The following KDM7A variants were observed in gnomAD, a reference collection of about 807,000 sequenced individuals.
KDM7A encodes lysine-specific demethylase 7A.
In KDM7A, 28 loss-of-function variants were observed where a neutral mutation model predicts 114.8. The ratio of observed to expected loss-of-function variants is 0.24; its 90% CI spans 0.18 to 0.33. KDM7A has a LOEUF of 0.33. Ranked by LOEUF, KDM7A falls within the 10% of genes least tolerant of loss-of-function variation. The pLI, the probability that KDM7A is intolerant of heterozygous loss-of-function variation, is 1.00. For missense variants in KDM7A, 942 were observed against 1,142.5 expected, an observed-to-expected ratio of 0.82 and a Z score of 2.53; for synonymous variants, 423 against 397.8, an observed-to-expected ratio of 1.06 and a Z score of -0.75.
chr7:140,126,822 T>C lies in KDM7A; in HGVS notation c.703A>G (p.Met235Val). 1 of 1,609,440 alleles carries C rather than the reference T, an allele frequency of 6.2e-7. No individual in the cohort carries two copies. Among genetic ancestry groups the C allele is most frequent in the Non-Finnish European group, 8.5e-7 (1 of 1,177,892 alleles). The change falls in exon 6 of 20, where the codon ATG becomes GTG. Residue 235 changes from methionine to valine, a missense_variant and splice_region_variant. This residue lies in a region of KDM7A where 318 missense variants were observed against 453.1 expected (regional missense o/e 0.70). Transcript: ENST00000397560. ...TCAGGGACCTCCACCAATTCAGACA[T>C]CCTTTCAAAAAACAAACATACACAC... ...VISLEFSDTK[M>V]SELVEVPDIA... is the part of the protein sequence containing the mutation.
chr7:140,085,644 G>C lies in KDM7A; in HGVS notation c.*5450C>G, dbSNP rs978789353. On this transcript the variant is annotated 3_prime_UTR_variant, in exon 20 of 20. Coordinates refer to ENST00000397560, the MANE Select transcript of KDM7A (RefSeq NM_030647.2). ...TGACTTGCTTTTGCAGTCAGAAGCT[G>C]TTTTTGGAAAAATTGAGGTTATAGC... 3.3e-5 allele frequency: 5 copies of C among 152,176 alleles called. No individual in the cohort carries two copies. Among genetic ancestry groups the C allele is most frequent in the Admixed American group, 2.6e-4 (4 of 15,280 alleles). The allele number at this position is 152,176 out of a possible 1,614,324, so 9.4% of individuals were successfully genotyped here.
intron 1 of KDM7A, among the ~76,000 whole-genome samples, chr7:140,172,074 G>A (rs1794651156): frequency 6.6e-6 from 1 of 152,088 alleles, no homozygotes; most frequent in Admixed American, 6.6e-5. Context: ...CTTAGATTGG[G>A]AGGATGCAGG....
intron 2 of KDM7A, among the ~76,000 whole-genome samples, chr7:140,135,205 CT>C (rs11336171): frequency 0.3 from 39,975 of 131,434 alleles, 4,757 homozygotes; most frequent in Middle Eastern, 0.41. Flanking sequence ...TACATAACTC[CT>C]TTTTTTTTTT....
chr7:140,107,745 G>T (rs1162335027), intron 11 of KDM7A, among the ~76,000 whole-genome samples: 1 of 152,070 alleles, frequency 6.6e-6, no homozygotes, highest in Non-Finnish European at 1.5e-5. Context: ...TGACAATTAC[G>T]TGTCTTGGAG....
chr7:140,171,571 A>T (rs1018367012), intron 1 of KDM7A, among the ~76,000 whole-genome samples: 3 of 51,808 alleles, frequency 5.8e-5, no homozygotes, highest in South Asian at 4.6e-4. Flanking sequence ...TTATATATTT[A>T]TATATATATA....
intron 1 of KDM7A, among the ~76,000 whole-genome samples, chr7:140,175,067 G>A (rs1432465611): frequency 6.6e-6 from 1 of 152,190 alleles, no homozygotes; most frequent in Non-Finnish European, 1.5e-5. Flanking sequence ...CGTAGAATAT[G>A]TTATGGAAAC....
At position 140,113,542 on chromosome 7, in the gene KDM7A, T is replaced by C; in HGVS notation, c.1287A>G (p.Val429=). 1 of 1,608,082 alleles carries C rather than the reference T, an allele frequency of 6.2e-7. No individual in the cohort carries two copies. The highest frequency in any genetic ancestry group is 1.7e-4 in the Middle Eastern group (1 of 6,056). Residue 429 remains valine (V), a synonymous_variant, in exon 10 of 20, where the codon GTA becomes GTG. Transcript: ENST00000397560. ...CAGTATGCAGTGCTTTCACTCCCTG[T>C]ACTAGGTAAGTTTGAGGCTGGAAAC... The part of the protein sequence containing the change: ...EDGFQPQTYL[V]QGVKALHTAL...
At chr7:140,107,980 C>A (rs1818367713) in intron 11 of KDM7A, among the ~76,000 whole-genome samples, 1 of 152,240 alleles carries the variant, frequency 6.6e-6, no homozygotes, top group African/African-American at 2.4e-5. Flanking sequence ...TCTTTTTACT[C>A]TTTTTTCTCT....
Position 140,102,067 on chromosome 7 carries a change from G to A in KDM7A, c.1522C>T (p.Arg508Ter). 2 of 1,613,614 alleles carry A rather than the reference G, an allele frequency of 1.2e-6. No individual in the cohort carries two copies. Among genetic ancestry groups the A allele is most frequent in the Non-Finnish European group, 1.7e-6 (2 of 1,179,570 alleles). The change falls in exon 12 of 20, where the codon CGA (arginine) becomes TGA (stop). Residue 508 changes from arginine to a stop codon, truncating the protein, a stop_gained. Transcript: ENST00000397560. LOFTEE classifies it high-confidence loss of function. ...SNEATSPYHSRRKMRKLRDHN... is the reference protein window; with the variant it reads ...SNEATSPYHS ...TCTCGAAGTTTCCTCATCTTTCTTC[G>A]GGAATGGTATGGGGAAGTTGCTTCA...
In KDM7A at chr7:140,171,830, C is replaced by A. The variant is rs192220390; in HGVS notation, c.194+4914G>T. Among the ~76,000 whole-genome samples, 29 of 151,896 alleles carry A rather than the reference C, an allele frequency of 1.9e-4. No individual in the cohort carries two copies. The East Asian group carries it at 5.4e-3, about 28-fold the overall frequency. On this transcript the variant is annotated intron_variant, in intron 1 of 19. Transcript: ENST00000397560. ...TGTTCAACTTTATTATGTGTGAGATCCATTCATGTTGTGTGCATCCATAGT... is the reference window on the plus strand; with the variant it reads ...TGTTCAACTTTATTATGTGTGAGATACATTCATGTTGTGTGCATCCATAGT...
rs533974865 is a variant in KDM7A, at chr7:140,169,457, C to T, written c.194+7287G>A. Among the ~76,000 whole-genome samples the T allele has an allele frequency of 6.6e-5, 10 of 152,264 alleles. No homozygotes were observed. The South Asian group carries it at 1.0e-3, about 16-fold the overall frequency. The stretch of plus-strand genomic sequence containing the variant: ...CCTCCCCTTGGATGATCAGAAAACT[C>T]GATTTCATACCGAAAAATACAGAAC... On this transcript the variant is annotated intron_variant, in intron 1 of 19. Transcript: ENST00000397560.
chr7:140,138,796 A>T (rs1477721648), intron 2 of KDM7A, among the ~76,000 whole-genome samples: 1 of 152,240 alleles, frequency 6.6e-6, no homozygotes, highest in African/African-American at 2.4e-5. Context: ...AAACAAGTGA[A>T]ATCAGTTTCC....
chr7:140,099,909 T>C lies in KDM7A; in HGVS notation c.1753A>G (p.Arg585Gly). 6.2e-7 allele frequency: 1 copy of C among 1,609,898 alleles called. No individual in the cohort carries two copies. Among genetic ancestry groups the C allele is most frequent in the Non-Finnish European group, 8.5e-7 (1 of 1,176,070 alleles). Residue 585 changes from arginine to glycine, a missense_variant, in exon 13 of 20, where the codon AGA (arginine) becomes GGA (glycine). Around this residue, in one of 4 missense-constraint regions of KDM7A, gnomAD observed 512 missense variants for 576.6 expected, o/e 0.89. Coordinates refer to ENST00000397560, the MANE Select transcript of KDM7A (RefSeq NM_030647.2). ...ATTTACTTTACATACTTAATTATTC[T>C]TCCATTTGTCAGCAGTAATCGTAGA... ...NDLRLLLTNGRIIKDERQPFA... is the reference protein window; with the variant it reads ...NDLRLLLTNGGIIKDERQPFA...
chr7:140,167,016 C>A (rs1348491581), intron 1 of KDM7A, among the ~76,000 whole-genome samples: 2 of 151,756 alleles, frequency 1.3e-5, no homozygotes, highest in Non-Finnish European at 2.9e-5. Flanking sequence ...ATAATACTAA[C>A]AAAGAAAATT....
chr7:140,171,164 A>G (rs1235804499), intron 1 of KDM7A, among the ~76,000 whole-genome samples: 1 of 152,060 alleles, frequency 6.6e-6, no homozygotes, highest in Non-Finnish European at 1.5e-5. Context: ...ACCACCCAAG[A>G]TCAAGATAAA....
chr7:140,120,745 G>A (rs12538555), intron 7 of KDM7A, among the ~76,000 whole-genome samples: 2 of 152,060 alleles, frequency 1.3e-5, no homozygotes, highest in Non-Finnish European at 2.9e-5. Flanking sequence ...ATAAGGTGAC[G>A]GTTTTTGTAG....
chr7:140,100,731 T>TATATATAC (rs1818206880), intron 12 of KDM7A, among the ~76,000 whole-genome samples: 1 of 49,960 alleles, frequency 2.0e-5, no homozygotes, highest in Non-Finnish European at 4.0e-5. Context: ...TATATATATA[T>TATATATAC]ATATATATAT....
chr7:140,172,570 G>A (rs958118707), intron 1 of KDM7A, among the ~76,000 whole-genome samples: 3 of 151,890 alleles, frequency 2.0e-5, no homozygotes, highest in African/African-American at 7.3e-5. Context: ...GGAGAATGGC[G>A]AGAACCCAGG....
chr7:140,085,164 C>T lies in KDM7A; in HGVS notation c.*5930G>A, dbSNP rs1406607514. ...TGGGCTTCCGGACTGAAAGGACACA[C>T]ATGTCACACACATTGACTGCCTATA... On this transcript the variant is annotated 3_prime_UTR_variant, in exon 20 of 20. Coordinates refer to ENST00000397560, the MANE Select transcript of KDM7A (RefSeq NM_030647.2). 1.3e-5 allele frequency: 2 copies of T among 152,356 alleles called. No individual in the cohort carries two copies. Among genetic ancestry groups the T allele is most frequent in the Non-Finnish European group, 1.5e-5 (1 of 68,050 alleles). 9.4% of individuals were successfully genotyped at this position (152,356 alleles called of 1,614,324 possible).
Sources: gnomAD v4.1 joint callset for allele counts (sites outside exome capture counted in the v4.1 genomes callset) on GRCh38, gnomAD v4.1.1 for gene constraint, gnomAD v4.1.1 regional missense constraint, MANE v1.5 for transcripts, NCBI Gene and HGNC (gene_info 2026-07-23, HGNC 2026-07-21) for gene names.